PDE8B: variants seen among roughly 807,000 people sequenced by gnomAD.
The protein encoded by PDE8B is high affinity cAMP-specific and IBMX-insensitive 3',5'-cyclic phosphodiesterase 8B.
Under a neutral mutation model 101.3 loss-of-function variants are expected in PDE8B, and 26 were observed. That is an observed-to-expected ratio of 0.26 (90% CI 0.19 to 0.36). The LOEUF is 0.36. Ranked by LOEUF, PDE8B falls within the 10% of genes least tolerant of loss-of-function variation. The pLI, the probability that PDE8B is intolerant of heterozygous loss-of-function variation, is 1.00. For missense variants in PDE8B, 810 were observed against 1,163.1 expected, an observed-to-expected ratio of 0.70 and a Z score of 4.42; for synonymous variants, 424 against 429.3, an observed-to-expected ratio of 0.99 and a Z score of 0.15.
Position 77,414,476 on chromosome 5 carries a change from A to G in PDE8B, c.1911+1167A>G, listed in dbSNP as rs535709264. Among the ~76,000 whole-genome samples the G allele has an allele frequency of 1.7e-4, 26 of 152,210 alleles. No homozygotes were observed. In the East Asian group the frequency reaches 4.4e-3, roughly 26 times the overall value. On this transcript the variant is annotated intron_variant, in intron 17 of 21. Coordinates refer to ENST00000264917, the MANE Select transcript of PDE8B (RefSeq NM_003719.5). ...TGCACTGTTGCCCAGGCTGGAGTGC[A>G]GTGGCACGATCTCAGCTCACTGCAA...
intron 1 of PDE8B, among the ~76,000 whole-genome samples, chr5:77,290,049 A>G (rs1021288428): frequency 6.6e-6 from 1 of 152,252 alleles, no homozygotes; most frequent in Non-Finnish European, 1.5e-5. Context: ...TCACTTATCA[A>G]CTGCCTGCTG....
the PDE8B span, among the ~76,000 whole-genome samples, chr5:77,155,809 G>A: frequency 7.7e-3 from 1,177 of 152,260 alleles, 6 homozygotes; most frequent in Middle Eastern, 0.017. Context: ...ATTTTTCTCT[G>A]TACCTTCTTG....
chr5:77,096,136 C>T, the PDE8B span, among the ~76,000 whole-genome samples: 1 of 152,116 alleles, frequency 6.6e-6, no homozygotes, highest in South Asian at 2.1e-4. Context: ...ACTACAGGCG[C>T]ACGCTACCAC....
chr5:77,179,803 C>T, the PDE8B span, among the ~76,000 whole-genome samples: 3 of 152,122 alleles, frequency 2.0e-5, no homozygotes, highest in Admixed American at 6.5e-5. Context: ...TCGAGAGATC[C>T]TCCCGCCTTG....
At position 77,325,595 on chromosome 5, in the gene PDE8B, C is replaced by T. The variant is rs369447964; in HGVS notation, c.456C>T (p.Cys152=). The T allele has an allele frequency of 1.6e-5, 26 of 1,613,782 alleles. No homozygotes were observed. The highest frequency in any genetic ancestry group is 4.5e-5 in the East Asian group (2 of 44,888). The change falls in exon 3 of 22, where the codon TGC becomes TGT. Residue 152 remains cysteine, a synonymous_variant. Coordinates refer to ENST00000264917, the MANE Select transcript of PDE8B (RefSeq NM_003719.5). The part of the protein sequence containing the change: ...DSQSDGFWWA[C]DRAGYRCNIA... ...AGAGCGATGGCTTCTGGTGGGCCTG[C>T]GACAGAGCTGGTTATAGATGCAATA... is the stretch of plus-strand genomic sequence containing the variant.
intron 17 of PDE8B, among the ~76,000 whole-genome samples, chr5:77,417,887 A>G (rs1198368744): frequency 2.0e-5 from 3 of 152,174 alleles, no homozygotes; most frequent in Non-Finnish European, 4.4e-5. Context: ...GCAAATTGGT[A>G]ATAGTTGTGA....
chr5:77,274,047 C>T (rs936094645), intron 1 of PDE8B, among the ~76,000 whole-genome samples: 4 of 152,092 alleles, frequency 2.6e-5, no homozygotes, highest in Non-Finnish European at 5.9e-5. Context: ...GTCTCGAACT[C>T]CCGACCTCAG....
intron 1 of PDE8B, among the ~76,000 whole-genome samples, chr5:77,307,565 C>T (rs1033867238): frequency 1.3e-5 from 2 of 151,946 alleles, no homozygotes; most frequent in African/African-American, 4.8e-5. Flanking sequence ...GTATTTATAC[C>T]ACGGAAGTCA....
chr5:77,354,435 T>C (rs1203772705), intron 10 of PDE8B, among the ~76,000 whole-genome samples: 1 of 152,194 alleles, frequency 6.6e-6, no homozygotes, highest in Non-Finnish European at 1.5e-5. Context: ...AGGCAAGTCC[T>C]TGGAGACCTC....
intron 10 of PDE8B, among the ~76,000 whole-genome samples, chr5:77,399,036 T>A (rs1422533954): frequency 1.3e-5 from 2 of 152,218 alleles, no homozygotes; most frequent in Non-Finnish European, 2.9e-5. Flanking sequence ...GTCTGTGCCT[T>A]GGATGGTGGC....
intron 20 of PDE8B, among the ~76,000 whole-genome samples, chr5:77,423,186 T>G (rs1008139953): frequency 6.6e-6 from 1 of 152,220 alleles, no homozygotes. Flanking sequence ...GCAAATGACA[T>G]GATTTCATTC....
At chr5:77,119,033 A>G in the PDE8B span, 1 of 152,248 alleles carries the variant, frequency 6.6e-6, no homozygotes, top group East Asian at 1.9e-4. Context: ...AGCCACTGCA[A>G]GCATGCACTG....
intron 1 of PDE8B, among the ~76,000 whole-genome samples, chr5:77,224,793 C>G (rs1335592845): frequency 6.6e-6 from 1 of 152,068 alleles, no homozygotes; most frequent in Non-Finnish European, 1.5e-5. Flanking sequence ...TTCTTTTTCT[C>G]TTACAATTTG....
intron 1 of PDE8B, among the ~76,000 whole-genome samples, chr5:77,265,104 C>T (rs1426391733): frequency 1.3e-5 from 2 of 152,174 alleles, no homozygotes; most frequent in Non-Finnish European, 2.9e-5. Flanking sequence ...GTGGGAGTCT[C>T]TAGCCCTCCA....
intron 1 of PDE8B, among the ~76,000 whole-genome samples, chr5:77,259,068 A>ACACACCCAC (rs1759857973): frequency 2.4e-5 from 1 of 41,140 alleles, no homozygotes. Context: ...ACACACACAC[A>ACACACCCAC]CCCCCGCCCC....
At chr5:77,344,017 A>G (rs893191570) in intron 6 of PDE8B, among the ~76,000 whole-genome samples, 17 of 152,124 alleles carry the variant, frequency 1.1e-4, no homozygotes, top group Non-Finnish European at 2.2e-4. Flanking sequence ...CTCAGGGGCA[A>G]TAACACACAT....
chr5:77,424,963 T>TACAGGCGTGAGCCATTG (rs1797690279), intron 20 of PDE8B, among the ~76,000 whole-genome samples: 1 of 152,118 alleles, frequency 6.6e-6, no homozygotes. Flanking sequence ...TCACTGGGAT[T>TACAGGCGTGAGCCATTG]ACAGGCATGA....
At chr5:77,338,827 G>A (rs1320792652) in intron 6 of PDE8B, among the ~76,000 whole-genome samples, 3 of 152,262 alleles carry the variant, frequency 2.0e-5, no homozygotes, top group South Asian at 2.1e-4. Context: ...AATGAACGGC[G>A]CAACACCTCA....
chr5:77,291,432 C>A, intron 1 of PDE8B: 1 of 1,611,550 alleles, frequency 6.2e-7, no homozygotes, highest in Non-Finnish European at 8.5e-7. Context: ...TGTGACAGGT[C>A]TTGCCCACGA....
Sources: allele counts gnomAD v4.1 joint callset (sites outside exome capture counted in the v4.1 genomes callset), GRCh38; gene constraint gnomAD v4.1.1; transcripts MANE v1.5; gene names NCBI Gene and HGNC (gene_info 2026-07-23, HGNC 2026-07-21).